PMS2: variants seen among roughly 807,000 people sequenced by gnomAD.
PMS2 encodes the protein PMS1 homolog 2, mismatch repair system component.
Under a neutral mutation model 90.0 loss-of-function variants are expected in PMS2, and 69 were observed. That is an observed-to-expected ratio of 0.77 (90% CI 0.63 to 0.94). The LOEUF (loss-of-function observed/expected upper bound fraction) is 0.94, where lower values mean the gene tolerates loss of function less well. PMS2 is among the 40% of genes least tolerant of loss of function. The pLI is 0.00. For missense variants in PMS2, 966 were observed against 1,040.2 expected, an observed-to-expected ratio of 0.93 and a Z score of 0.98; for synonymous variants, 332 against 375.1, an observed-to-expected ratio of 0.89 and a Z score of 1.33.
Position 5,995,779 on chromosome 7 carries a change from G to A in PMS2, c.804-146C>T, listed in dbSNP as rs1049417559. The A allele has an allele frequency of 1.3e-5, 9 of 692,864 alleles. No individual in the cohort carries two copies. In the South Asian group the frequency reaches 1.4e-4, roughly 11 times the overall value. 42.9% of individuals were successfully genotyped at this position (692,864 alleles called of 1,614,324 possible). On this transcript the variant is annotated intron_variant, in intron 7 of 14. Coordinates refer to ENST00000265849, the MANE Select transcript of PMS2 (RefSeq NM_000535.7). ...TCACTATTGCAGTTCACGGGTATCT[G>A]TGCTCCAAATCTTGATGAGTCATCA...
At chr7:5,983,275 T>C (rs938408792) in intron 11 of PMS2, among the ~76,000 whole-genome samples, 3 of 151,224 alleles carry the variant, frequency 2.0e-5, no homozygotes, top group Non-Finnish European at 2.9e-5. Flanking sequence ...CATGCCCAGC[T>C]AATTTTTGTA....
chr7:5,997,544 T>C (rs1784567099), intron 6 of PMS2, 121 bp from the exon 7 acceptor site: 2 of 667,664 alleles, frequency 3.0e-6, no homozygotes, highest in Non-Finnish European at 5.3e-6. Context: ...AAAGAATCTT[T>C]TGTTTTGTTT....
At chr7:5,986,646 C>G (rs1782899867) in intron 11 of PMS2, 113 bp downstream of exon 11, 1 of 800,004 alleles carries the variant, frequency 1.2e-6, no homozygotes, top group Non-Finnish European at 1.9e-6. Context: ...GAGCCAAGAT[C>G]ATGCCACTGC....
Position 5,983,400 on chromosome 7 carries a change from C to T in PMS2, c.2007-409G>A, listed in dbSNP as rs866003101. 8.8e-4 allele frequency among the ~76,000 whole-genome samples: 133 copies of T among 151,166 alleles called. 4 individuals are homozygous for T. Among genetic ancestry groups the T allele is most frequent in the East Asian group, 3.7e-3 (19 of 5,140 alleles). ...CTGGGATTACAGGCGTGAGCCACTGCGTTCGGCTTAACCATCCCACTTTCT... is the reference window on the plus strand; with the variant it reads ...CTGGGATTACAGGCGTGAGCCACTGTGTTCGGCTTAACCATCCCACTTTCT... On this transcript the variant is annotated intron_variant, in intron 11 of 14. Coordinates refer to ENST00000265849, the MANE Select transcript of PMS2 (RefSeq NM_000535.7).
rs1436443387 is a variant in PMS2, at chr7:5,983,927, C to T, written c.2007-936G>A. ...TCGGCCTCCCAAAGTGCTGGGATTA[C>T]AGGCGTGAGCCACCGCACCTGGCCT... On this transcript the variant is annotated intron_variant, in intron 11 of 14. Coordinates refer to ENST00000265849, the MANE Select transcript of PMS2 (RefSeq NM_000535.7). Among the ~76,000 whole-genome samples, 3 of 151,904 alleles carry T rather than the reference C, an allele frequency of 2.0e-5. No individual in the cohort carries two copies. In the East Asian group the frequency reaches 5.8e-4, roughly 29 times the overall value.
intron 5 of PMS2, among the ~76,000 whole-genome samples, chr7:6,000,092 G>C (rs1269347675): frequency 6.6e-6 from 1 of 151,828 alleles, no homozygotes; most frequent in East Asian, 1.9e-4. Context: ...GTCAGTTATA[G>C]GGCCAGGCAT....
intron 1 of PMS2, among the ~76,000 whole-genome samples, chr7:6,007,448 C>G (rs1187095617): frequency 1.3e-5 from 2 of 152,184 alleles, no homozygotes; most frequent in Non-Finnish European, 2.9e-5. Context: ...CTGTCCTGAA[C>G]ATCACAAGCT....
chr7:5,992,172 T>G, intron 8 of PMS2, 115 bp from the exon 9 acceptor site: 1 of 674,698 alleles, frequency 1.5e-6, no homozygotes, highest in Non-Finnish European at 2.6e-6. Flanking sequence ...GATACTTTTT[T>G]GTTTTTTTTT....
rs1554309048 is a variant in PMS2, at chr7:6,009,011, T to C, written c.9A>G (p.Arg3=). The C allele has an allele frequency of 6.2e-7, 1 of 1,612,446 alleles. No homozygotes were observed. Among genetic ancestry groups the C allele is most frequent in the Non-Finnish European group, 8.5e-7 (1 of 1,179,852 alleles). The change falls in exon 1 of 15, where the codon CGA becomes CGG. Residue 3 remains arginine (R), a synonymous_variant. Transcript: ENST00000265849. The part of the protein sequence containing the change: ME[R]AESSSTEPAK... Reference sequence around the variant, plus strand: ...GCCCCGCTCACCTCGAGCTCTCAGCTCGCTCCATGGATGCAACACCCGATC... The same window carrying C: ...GCCCCGCTCACCTCGAGCTCTCAGCCCGCTCCATGGATGCAACACCCGATC...
intron 10 of PMS2, among the ~76,000 whole-genome samples, chr7:5,988,605 G>T (rs1302438587): frequency 6.6e-6 from 1 of 152,148 alleles, no homozygotes; most frequent in African/African-American, 2.4e-5. Flanking sequence ...TCAAAAAGAC[G>T]TGGATGAGGA....
intron 9 of PMS2, among the ~76,000 whole-genome samples, chr7:5,991,277 GGAGA>G (rs940691488): frequency 3.3e-5 from 5 of 151,514 alleles, no homozygotes. Flanking sequence ...TGGGAGTAGG[GGAGA>G]GAGAGAGAAA....
chr7:5,983,482 C>T (rs1213168549), intron 11 of PMS2, among the ~76,000 whole-genome samples: 1 of 151,658 alleles, frequency 6.6e-6, no homozygotes, highest in Non-Finnish European at 1.5e-5. Context: ...TCAGTTGCTA[C>T]TATTAACGAT....
chr7:5,982,545 C>G (rs1014790790), intron 12 of PMS2, among the ~76,000 whole-genome samples: 1 of 152,022 alleles, frequency 6.6e-6, no homozygotes, highest in Non-Finnish European at 1.5e-5. Flanking sequence ...CCACGTTGGC[C>G]AGGCTGGTCT....
chr7:6,002,515 C>T lies in PMS2; in HGVS notation c.475G>A (p.Val159Met), dbSNP rs142416537. 6.6e-5 allele frequency: 107 copies of T among 1,611,592 alleles called. No individual in the cohort carries two copies. Among genetic ancestry groups the T allele is most frequent in the Middle Eastern group, 4.5e-4 (2 of 4,452 alleles). Residue 159 changes from valine to methionine, a missense_variant, in exon 5 of 15, where the codon GTG becomes ATG. Val to Met is a conservative substitution (Grantham distance 21). Around this residue, in one of 2 missense-constraint regions of PMS2, gnomAD observed 871 missense variants for 802.4 expected, o/e 1.09. Transcript: ENST00000265849. ...YPRPRGTTVS[V>M]QQLFSTLPVR... The stretch of plus-strand genomic sequence containing the variant: ...GGTAGTGTGGAAAATAACTGCTGCA[C>T]GCTGACTGTGGTCCCTCTGGGGCGG...
intron 13 of PMS2, 134 bp from the exon 14 acceptor site, chr7:5,977,891 C>T (rs529119713): frequency 7.2e-7 from 1 of 1,385,836 alleles, no homozygotes; most frequent in African/African-American, 1.4e-5. Flanking sequence ...AGGCTGAGGC[C>T]AGCGGATCAT....
At chr7:5,999,085 T>C (rs2128798648) in intron 6 of PMS2, 23 bp downstream of exon 6, 1 of 1,611,734 alleles carries the variant, frequency 6.2e-7, no homozygotes, top group Non-Finnish European at 8.5e-7. Context: ...ATAAGAGGCG[T>C]TGAAGTAACC....
chr7:5,988,131 AAAC>A (rs973226099), intron 10 of PMS2, among the ~76,000 whole-genome samples: 1 of 152,046 alleles, frequency 6.6e-6, no homozygotes, highest in African/African-American at 2.4e-5. Flanking sequence ...AAAATTAAAA[AAAC>A]AACAAATGCT....
At chr7:5,985,238 C>T (rs1340024420) in intron 11 of PMS2, among the ~76,000 whole-genome samples, 3 of 150,806 alleles carry the variant, frequency 2.0e-5, no homozygotes, top group Non-Finnish European at 2.9e-5. Context: ...CCTGGGACTA[C>T]AGGCGTACAG....
intron 9 of PMS2, among the ~76,000 whole-genome samples, chr7:5,991,768 G>A (rs538551555): frequency 1.3e-5 from 2 of 152,096 alleles, no homozygotes; most frequent in African/African-American, 4.8e-5. Flanking sequence ...GAACCCGGGA[G>A]GCAGAGGTTG....
Sources: allele counts gnomAD v4.1 joint callset (sites outside exome capture counted in the v4.1 genomes callset), GRCh38; gene constraint gnomAD v4.1.1; regional missense constraint gnomAD v4.1.1; transcripts MANE v1.5; gene names NCBI Gene and HGNC (gene_info 2026-07-23, HGNC 2026-07-21).